MYO1H: variants seen among roughly 807,000 people sequenced by gnomAD.
MYO1H encodes the protein myosin IH.
A neutral mutation model predicts 149.3 loss-of-function variants in MYO1H; 118 were observed. The ratio of observed to expected loss-of-function variants is 0.79; its 90% CI spans 0.68 to 0.92. The LOEUF (loss-of-function observed/expected upper bound fraction) is 0.92, where lower values mean the gene tolerates loss of function less well. MYO1H is among the 40% of genes least tolerant of loss of function. The pLI is 0.00. For synonymous variants in MYO1H, 447 were observed against 465.2 expected (o/e 0.96, Z 0.50); for missense variants, 1,212 against 1,280.7 (o/e 0.95, Z 0.82).
intron 1 of MYO1H, among the ~76,000 whole-genome samples, chr12:109,376,837 T>C (rs182067676): frequency 4.6e-5 from 7 of 152,374 alleles, no homozygotes; most frequent in African/African-American, 1.2e-4. Flanking sequence ...TTACTTAAAC[T>C]TCTTGGGATT....
At chr12:109,439,897 CT>C in intron 24 of MYO1H, 107 bp downstream of exon 24, 1 of 980,960 alleles carries the variant, frequency 1.0e-6, no homozygotes, top group Non-Finnish European at 1.5e-6. Flanking sequence ...AAGGGCTGCC[CT>C]GGCAAAGCCC....
intron 16 of MYO1H, among the ~76,000 whole-genome samples, chr12:109,421,373 A>C (rs1464733816): frequency 6.6e-6 from 1 of 152,232 alleles, no homozygotes; most frequent in Non-Finnish European, 1.5e-5. Flanking sequence ...ATTAGTGAGA[A>C]GTGCTGCAAA....
At chr12:109,366,480 G>A (rs1293569445) in intron 1 of MYO1H, among the ~76,000 whole-genome samples, 1 of 152,276 alleles carries the variant, frequency 6.6e-6, no homozygotes, top group African/African-American at 2.4e-5. Context: ...AAACAAATGT[G>A]GAACTGGCTT....
intron 1 of MYO1H, among the ~76,000 whole-genome samples, chr12:109,371,284 T>A (rs1868979431): frequency 6.6e-6 from 1 of 150,832 alleles, no homozygotes; most frequent in Non-Finnish European, 1.5e-5. Flanking sequence ...GGTGCAGTTA[T>A]GACTCACTGC....
At chr12:109,430,943 A>T (rs200511317) in intron 19 of MYO1H, among the ~76,000 whole-genome samples, 2 of 150,210 alleles carry the variant, frequency 1.3e-5, no homozygotes, top group Admixed American at 6.7e-5. Flanking sequence ...ATATACATGT[A>T]TTTTTTTTAA....
intron 1 of MYO1H, among the ~76,000 whole-genome samples, chr12:109,380,665 G>A (rs1869186223): frequency 6.6e-6 from 1 of 152,234 alleles, no homozygotes. Flanking sequence ...CTAAGGTTAA[G>A]GCTGGGTGTG....
chr12:109,407,934 T>TC (rs1440404769), intron 10 of MYO1H, 21 bp downstream of exon 10: 5 of 1,612,152 alleles, frequency 3.1e-6, no homozygotes, highest in Non-Finnish European at 4.2e-6. Context: ...GCATTTTGGA[T>TC]CCCTTGCTCT....
chr12:109,341,131 T>C, the MYO1H span, among the ~76,000 whole-genome samples: 2 of 137,120 alleles, frequency 1.5e-5, no homozygotes, highest in East Asian at 2.1e-4. Flanking sequence ...GAGGTTGCAG[T>C]GAGCCAAGAT....
At chr12:109,357,918 A>G (rs540174783) in intron 1 of MYO1H, among the ~76,000 whole-genome samples, 16 of 152,256 alleles carry the variant, frequency 1.1e-4, no homozygotes, top group Non-Finnish European at 1.9e-4. Flanking sequence ...CCATTTAAAA[A>G]TGTAAAAGCC....
rs1566044563 is a variant in MYO1H, at chr12:109,443,008, A to AT, written c.2689-506_2689-505insT. Among the ~76,000 whole-genome samples the AT allele has an allele frequency of 8.2e-4, 55 of 67,028 alleles. 6 individuals are homozygous for AT. The highest frequency in any genetic ancestry group is 7.5e-3 in the Middle Eastern group (1 of 134). The allele number at this position is 67,028 out of a possible 152,430, so 44.0% of individuals were successfully genotyped here. A position where few individuals can be genotyped will look rare whatever the true frequency, so the allele number is the denominator to read the frequency against. ...ATGCAGAGAGCCAGGAAAAAAAAAA[A>AT]AATATATATATATATATATATGTGT... On this transcript the variant is annotated intron_variant, in intron 27 of 31. Coordinates refer to ENST00000310903, the Ensembl canonical transcript of MYO1H.
chr12:109,438,607 CG>C lies in MYO1H; in HGVS notation c.2283del (p.Ile762LeufsTer33). On this transcript the variant is annotated frameshift_variant, in exon 23 of 32. Transcript: ENST00000310903. LOFTEE classifies it high-confidence loss of function. Reference sequence around the variant, plus strand: ...AATCCAAAGGAGAAAGTGGGCCGTGCGGATTATCAGAAAGTAAGTTCTCAGG... The same window carrying C: ...AATCCAAAGGAGAAAGTGGGCCGTGCGATTATCAGAAAGTAAGTTCTCAGG... 1.9e-6 allele frequency: 3 copies of C among 1,611,202 alleles called. No homozygotes were observed. Among genetic ancestry groups the C allele is most frequent in the Non-Finnish European group, 2.5e-6 (3 of 1,178,648 alleles).
chr12:109,355,679 T>G (rs1306798845), intron 1 of MYO1H, among the ~76,000 whole-genome samples: 2 of 151,912 alleles, frequency 1.3e-5, no homozygotes, highest in Non-Finnish European at 2.9e-5. Flanking sequence ...TGGTTTGTTT[T>G]TGTTTTGTTT....
intron 27 of MYO1H, among the ~76,000 whole-genome samples, chr12:109,442,776 G>A (rs1372219832): frequency 4.7e-5 from 7 of 149,002 alleles, no homozygotes; most frequent in Non-Finnish European, 8.9e-5. Flanking sequence ...CCTGGTGATC[G>A]TGTGTGCCAG....
chr12:109,325,385 T>C, the MYO1H span, among the ~76,000 whole-genome samples: 3 of 152,212 alleles, frequency 2.0e-5, no homozygotes, highest in Non-Finnish European at 4.4e-5. Flanking sequence ...GCTAGCCATA[T>C]GCAGAAAACT....
At chr12:109,369,244 T>G (rs1868932514) in intron 1 of MYO1H, among the ~76,000 whole-genome samples, 1 of 152,230 alleles carries the variant, frequency 6.6e-6, no homozygotes, top group South Asian at 2.1e-4. Flanking sequence ...TGAGCCACGA[T>G]GCCTGGCTCA....
At chr12:109,432,843 G>A in intron 19 of MYO1H, 54 bp from the exon 20 acceptor site, 1 of 1,480,388 alleles carries the variant, frequency 6.8e-7, no homozygotes, top group Non-Finnish European at 9.4e-7. Context: ...GGATGTGGGG[G>A]AGGGCTAGAG....
chr12:109,326,629 C>A, the MYO1H span, among the ~76,000 whole-genome samples: 2 of 151,976 alleles, frequency 1.3e-5, no homozygotes, highest in South Asian at 2.1e-4. Flanking sequence ...TCAAGCAATT[C>A]TCCTGCCTCA....
chr12:109,356,069 T>G (rs1868590466), intron 1 of MYO1H, among the ~76,000 whole-genome samples: 1 of 152,140 alleles, frequency 6.6e-6, no homozygotes, highest in Admixed American at 6.5e-5. Context: ...ACAACCACTT[T>G]TAACCAAATA....
At chr12:109,436,328 A>C (rs1192011821) in intron 21 of MYO1H, among the ~76,000 whole-genome samples, 160 bp from the exon 22 acceptor site, 1 of 152,160 alleles carries the variant, frequency 6.6e-6, no homozygotes, top group Admixed American at 6.5e-5. Context: ...GTAACCAGCC[A>C]GCTCTCAGGT....
Sources: gnomAD v4.1 joint callset for allele counts (sites outside exome capture counted in the v4.1 genomes callset) on GRCh38, gnomAD v4.1.1 for gene constraint, MANE v1.5 for transcripts, NCBI Gene and HGNC (gene_info 2026-07-23, HGNC 2026-07-21) for gene names.